Variants in ADGRD1 observed in about 807,000 individuals in gnomAD.
ADGRD1 encodes the protein G-protein coupled receptor 133.
In ADGRD1, 77 loss-of-function variants were observed where a neutral mutation model predicts 113.4. The observed-to-expected ratio is 0.68, with a 90% CI of 0.57 to 0.82. The LOEUF is 0.82. ADGRD1 is among the 40% of genes least tolerant of loss of function. ADGRD1 has a pLI of 0.00. For missense variants in ADGRD1, 1,036 were observed against 1,139.1 expected (o/e 0.91, Z 1.30); for synonymous variants, 474 against 475.0 (o/e 1.00, Z 0.03).
chr12:131,132,393 G>A (rs768863889), intron 21 of ADGRD1, among the ~76,000 whole-genome samples: 5 of 152,270 alleles, frequency 3.3e-5, no homozygotes, highest in Admixed American at 6.5e-5. Context: ...CATCTCTTAC[G>A]GCCCAGCCGA....
At chr12:131,063,211 A>G (rs1188101119) in intron 13 of ADGRD1, among the ~76,000 whole-genome samples, 1 of 152,228 alleles carries the variant, frequency 6.6e-6, no homozygotes, top group African/African-American at 2.4e-5. Context: ...ATCCTGTGTC[A>G]GCTACATGGT....
At chr12:130,957,756 G>A (rs775592121) in intron 2 of ADGRD1, 22 of 152,272 alleles carry the variant, frequency 1.4e-4, no homozygotes, top group Non-Finnish European at 2.5e-4. Flanking sequence ...GCTGATGACA[G>A]TAGAAAGGGA....
intron 15 of ADGRD1, among the ~76,000 whole-genome samples, chr12:131,093,599 A>T (rs1208158183): frequency 6.6e-6 from 1 of 152,174 alleles, no homozygotes; most frequent in Non-Finnish European, 1.5e-5. Context: ...TGCGGTCCCG[A>T]GGGTGTGTCA....
intron 18 of ADGRD1, among the ~76,000 whole-genome samples, chr12:131,117,892 G>A (rs373638487): frequency 1.3e-3 from 204 of 152,358 alleles, no homozygotes; most frequent in African/African-American, 4.9e-3. Flanking sequence ...TACTTGGGCT[G>A]GGTGACTCTT....
At chr12:131,062,209 G>A (rs1008576309) in intron 13 of ADGRD1, among the ~76,000 whole-genome samples, 1 of 152,078 alleles carries the variant, frequency 6.6e-6, no homozygotes, top group Non-Finnish European at 1.5e-5. Context: ...TGGCCAGGCT[G>A]GTCTTGAACT....
At chr12:131,067,604 A>G (rs1884824124) in intron 13 of ADGRD1, among the ~76,000 whole-genome samples, 2 of 124,368 alleles carry the variant, frequency 1.6e-5, no homozygotes, top group African/African-American at 3.0e-5. Context: ...TCTGCCTCCT[A>G]TATGTCTGAT....
rs1421233232 is a variant in ADGRD1 at position 131,113,844 on chromosome 12, G to A, written c.2042-4541G>A. ...ACCTGCTTCTTCAGGCCTCTGTGAC[G>A]CCCCAGAGAGGAGAGCTGCTCCTTC... On this transcript the variant is annotated intron_variant, in intron 18 of 24. Transcript: ENST00000261654. The surrounding 1 kb of genome is among the most constrained non-coding windows in gnomAD (Gnocchi z 4.9). Among the ~76,000 whole-genome samples, 1 of 152,310 alleles carries A rather than the reference G, an allele frequency of 6.6e-6. No individual in the cohort carries two copies. The highest frequency in any genetic ancestry group is 2.4e-5 in the African/African-American group (1 of 41,570).
intron 13 of ADGRD1, among the ~76,000 whole-genome samples, chr12:131,047,439 C>T (rs1481712288): frequency 6.6e-6 from 1 of 152,222 alleles, no homozygotes; most frequent in Non-Finnish European, 1.5e-5. Flanking sequence ...CCCGGGCCCC[C>T]TTTTGCACCC....
intron 12 of ADGRD1, among the ~76,000 whole-genome samples, chr12:131,008,769 G>A (rs1008699712): frequency 2.0e-5 from 3 of 152,196 alleles, no homozygotes; most frequent in African/African-American, 7.2e-5. Context: ...CCAGGTGGAC[G>A]GGGCTGAGAC....
rs1279831563 is a variant in ADGRD1, at chr12:131,124,409, GATT to G, written c.2175+3499_2175+3501del. On this transcript the variant is annotated intron_variant, in intron 20 of 24. Transcript: ENST00000261654. ...TGGGTTTGGGGAGTATGTGCTTCAAGATTATATGCACCTAAAAACACCCATGTA... is the reference window on the plus strand; with the variant it reads ...TGGGTTTGGGGAGTATGTGCTTCAAGATATGCACCTAAAAACACCCATGTA... Among the ~76,000 whole-genome samples the G allele has an allele frequency of 2.6e-5, 4 of 152,212 alleles. No homozygotes were observed. The South Asian group carries it at 8.3e-4, about 32-fold the overall frequency.
chr12:130,982,875 G>A (rs1873189531), intron 5 of ADGRD1, among the ~76,000 whole-genome samples: 1 of 152,158 alleles, frequency 6.6e-6, no homozygotes, highest in Non-Finnish European at 1.5e-5. Context: ...GCATGGAGTG[G>A]GGGCCAAGTC....
chr12:131,123,039 G>GTTTTTTTTTT (rs552353187), intron 20 of ADGRD1, among the ~76,000 whole-genome samples: 67 of 51,360 alleles, frequency 1.3e-3, no homozygotes, highest in South Asian at 1.8e-3. Context: ...TACCTGGGGA[G>GTTTTTTTTTT]TTTTTTTTTT....
intron 13 of ADGRD1, among the ~76,000 whole-genome samples, chr12:131,028,218 C>CTTTTTATGTTTA (rs1382493746): frequency 6.6e-6 from 1 of 151,992 alleles, no homozygotes; most frequent in Non-Finnish European, 1.5e-5. Flanking sequence ...TGTTGGTGAC[C>CTTTTTATGTTTA]TTTTTATGTT....
At chr12:130,987,521 A>C in intron 6 of ADGRD1, 172 bp downstream of exon 6, 2 of 652,204 alleles carry the variant, frequency 3.1e-6, no homozygotes, top group Non-Finnish European at 5.2e-6. Context: ...GTTCCCTGAG[A>C]TAGAGGAGTT....
Position 130,984,799 on chromosome 12 carries a change from CCCTCCCTCCCTT to C in ADGRD1, c.491-2280_491-2269del, listed in dbSNP as rs1245282201. Among the ~76,000 whole-genome samples the C allele has an allele frequency of 6.7e-6, 1 of 148,300 alleles. No individual in the cohort carries two copies. The highest frequency in any genetic ancestry group is 2.5e-5 in the African/African-American group (1 of 40,508). ...CCCCTCCTCTCTCTTTTCCTTCTTT[CCCTCCCTCCCTT>C]CCTCCCTCCCTTCCTTCCTTCCTTC... On this transcript the variant is annotated intron_variant, in intron 5 of 24. Transcript: ENST00000261654. This position sits in a 1 kb window ranked among gnomAD's most constrained non-coding sequence, Gnocchi z 4.1.
At chr12:131,099,814 G>C (rs575466275) in intron 15 of ADGRD1, among the ~76,000 whole-genome samples, 1 of 152,320 alleles carries the variant, frequency 6.6e-6, no homozygotes, top group South Asian at 2.1e-4. Context: ...TGCCTGGTCA[G>C]GCTATTAGCT....
In ADGRD1 at chr12:131,084,004, T is replaced by G. The variant is rs1886266739; in HGVS notation, c.1548-536T>G. Among the ~76,000 whole-genome samples, 1 of 152,202 alleles carries G rather than the reference T, an allele frequency of 6.6e-6. No homozygotes were observed. The stretch of plus-strand genomic sequence containing the variant: ...TGGTTAGTCACTGTACGTTGTGTTT[T>G]GGTATTTTATCCTTATCAGTGCACA... On this transcript the variant is annotated intron_variant, in intron 14 of 24. Transcript: ENST00000261654. The surrounding 1 kb of genome is among the most constrained non-coding windows in gnomAD (Gnocchi z 4.5).
At chr12:130,997,379 CGGGCGG>C (rs1875686284) in intron 8 of ADGRD1, among the ~76,000 whole-genome samples, 1 of 113,658 alleles carries the variant, frequency 8.8e-6, no homozygotes, top group African/African-American at 3.6e-5. Flanking sequence ...GGGTGGCTGC[CGGGCGG>C]AGGGGCTCCT....
chr12:131,138,677 C>T (rs1951169686), intron 24 of ADGRD1, among the ~76,000 whole-genome samples: 1 of 152,184 alleles, frequency 6.6e-6, no homozygotes, highest in African/African-American at 2.4e-5. Context: ...AATGAAGGCG[C>T]TCCCACCCAT....
Sources: gnomAD v4.1 joint callset for allele counts (sites outside exome capture counted in the v4.1 genomes callset) on GRCh38, gnomAD v4.1.1 for gene constraint, Gnocchi (gnomAD v3.1) non-coding constraint, MANE v1.5 for transcripts, NCBI Gene and HGNC (gene_info 2026-07-23, HGNC 2026-07-21) for gene names.